Variants in GARRE1 observed in about 807,000 individuals in gnomAD.
The protein encoded by GARRE1 is granule associated Rac and RHOG effector protein 1.
Under a neutral mutation model 103.2 loss-of-function variants are expected in GARRE1, and 49 were observed. The ratio of observed to expected loss-of-function variants is 0.47; its 90% CI spans 0.38 to 0.60. GARRE1 has a LOEUF of 0.60. Among genes scored for constraint, GARRE1 ranks in the 20% least tolerant of loss-of-function variants. GARRE1 has a pLI of 0.00. For missense variants in GARRE1, 1,199 were observed against 1,370.5 expected (o/e 0.87, Z 1.98); for synonymous variants, 505 against 532.8 (o/e 0.95, Z 0.72).
At chr19:34,313,974 T>A (rs1164917064) in intron 2 of GARRE1, among the ~76,000 whole-genome samples, 4 of 152,072 alleles carry the variant, frequency 2.6e-5, no homozygotes, top group African/African-American at 9.7e-5. Context: ...CTGATTTTTG[T>A]ATTTTTTGTA....
At chr19:34,288,999 G>T (rs920342063) in intron 1 of GARRE1, among the ~76,000 whole-genome samples, 2 of 151,646 alleles carry the variant, frequency 1.3e-5, no homozygotes, top group African/African-American at 4.8e-5. Flanking sequence ...GGGCATGGTG[G>T]TGTGTGCCTG....
chr19:34,298,337 C>T (rs962380804), intron 1 of GARRE1, among the ~76,000 whole-genome samples: 2 of 151,710 alleles, frequency 1.3e-5, no homozygotes, highest in African/African-American at 4.8e-5. Context: ...TTGCTTGGGC[C>T]TAGGAGTTCG....
At chr19:34,326,327 A>G (rs1340836857) in intron 3 of GARRE1, among the ~76,000 whole-genome samples, 2 of 152,244 alleles carry the variant, frequency 1.3e-5, no homozygotes, top group South Asian at 2.1e-4. Flanking sequence ...AACAAAAGCT[A>G]ACTGCTAAAA....
chr19:34,311,459 G>A (rs1026758178), intron 2 of GARRE1, among the ~76,000 whole-genome samples: 3 of 152,072 alleles, frequency 2.0e-5, no homozygotes, highest in Non-Finnish European at 4.4e-5. Flanking sequence ...ATTTATAATC[G>A]TGAAGTCACC....
At chr19:34,318,228 G>A (rs748994284) in intron 2 of GARRE1, among the ~76,000 whole-genome samples, 2 of 152,220 alleles carry the variant, frequency 1.3e-5, no homozygotes, top group African/African-American at 4.8e-5. Context: ...CTGAGAGGGC[G>A]TGTGGCAAAG....
chr19:34,304,801 T>A (rs1474143605), intron 2 of GARRE1, among the ~76,000 whole-genome samples: 2 of 151,764 alleles, frequency 1.3e-5, no homozygotes, highest in East Asian at 3.9e-4. Flanking sequence ...TTTATTTATT[T>A]ATTTTTTTGA....
intron 3 of GARRE1, 75 bp from the exon 4 acceptor site, chr19:34,327,346 T>C: frequency 7.4e-7 from 1 of 1,353,158 alleles, no homozygotes; most frequent in Non-Finnish European, 1.0e-6. Flanking sequence ...TTTTTCTTGT[T>C]GTTGTTATTG....
At chr19:34,280,781 T>A (rs1232099504) in intron 1 of GARRE1, among the ~76,000 whole-genome samples, 1 of 152,192 alleles carries the variant, frequency 6.6e-6, no homozygotes, top group Non-Finnish European at 1.5e-5. Flanking sequence ...ATGAGTTCCC[T>A]GCTTTCTGGC....
chr19:34,345,529 CAT>C (rs1431959184), intron 10 of GARRE1, among the ~76,000 whole-genome samples: 5 of 152,140 alleles, frequency 3.3e-5, no homozygotes, highest in African/African-American at 9.7e-5. Flanking sequence ...AGAATTGTGT[CAT>C]ATTTGAGGCC....
Position 34,352,750 on chromosome 19 carries a change from G to C in GARRE1, c.3008G>C (p.Ser1003Thr). The C allele has an allele frequency of 3.1e-6, 5 of 1,614,124 alleles. No individual in the cohort carries two copies. Among genetic ancestry groups the C allele is most frequent in the Non-Finnish European group, 4.2e-6 (5 of 1,180,022 alleles). Residue 1003 changes from serine (S) to threonine (T), a missense_variant, in exon 14 of 14, where the codon AGC becomes ACC. Physicochemically the swap from Ser to Thr is moderately conservative, Grantham distance 58. Coordinates refer to ENST00000299505, the MANE Select transcript of GARRE1 (RefSeq NM_014686.5). ...SPSAPLYAVTSPGSQWNDTMQ... is the reference protein window; with the variant it reads ...SPSAPLYAVTTPGSQWNDTMQ... ...AGCGCACCACTCTATGCAGTCACCA[G>C]CCCTGGCAGCCAGTGGAACGACACC...
chr19:34,312,791 A>ATGGTGAATG, intron 2 of GARRE1, among the ~76,000 whole-genome samples: 1 of 152,124 alleles, frequency 6.6e-6, no homozygotes, highest in Non-Finnish European at 1.5e-5. Flanking sequence ...GCTGGGCATG[A>ATGGTGAATG]TGGTGAATGC....
In GARRE1 at chr19:34,313,361, G is replaced by GGGTGATGCTGCTGAGGGGA. The variant is rs1374913246; in HGVS notation, c.496-6540_496-6522dup. Reference sequence around the variant, plus strand: ...GAGAGCTAGGAAGGAAATGAAGCAAGGGTGATGCTGCTGAGGGGAGGTGAG... The same window carrying GGGTGATGCTGCTGAGGGGA: ...GAGAGCTAGGAAGGAAATGAAGCAAGGGTGATGCTGCTGAGGGGAGGTGATGCTGCTGAGGGGAGGTGAG... On this transcript the variant is annotated intron_variant, in intron 2 of 13. Transcript: ENST00000299505. 2.6e-5 allele frequency among the ~76,000 whole-genome samples: 4 copies of GGGTGATGCTGCTGAGGGGA among 152,332 alleles called. No individual in the cohort carries two copies. The East Asian group carries it at 7.7e-4, about 29-fold the overall frequency.
Position 34,330,362 on chromosome 19 carries a change from G to C in GARRE1, c.1263+15G>C. On this transcript the variant is annotated intron_variant, in intron 7 of 13. Coordinates refer to ENST00000299505, the MANE Select transcript of GARRE1 (RefSeq NM_014686.5). ...AGGCTGGACTGGTGAGTGAGCGTGG[G>C]TGGTGGATGATAGGTAGAATACCAA... The C allele has an allele frequency of 6.2e-7, 1 of 1,613,736 alleles. No individual in the cohort carries two copies. The highest frequency in any genetic ancestry group is 8.5e-7 in the Non-Finnish European group (1 of 1,179,678).
chr19:34,345,791 C>T (rs543848149), intron 10 of GARRE1, among the ~76,000 whole-genome samples: 19 of 152,286 alleles, frequency 1.2e-4, no homozygotes, highest in Middle Eastern at 6.8e-3. Context: ...CACTGCACTC[C>T]GGCTTGGATA....
chr19:34,345,074 G>A (rs2074205035), intron 10 of GARRE1, among the ~76,000 whole-genome samples: 1 of 152,114 alleles, frequency 6.6e-6, no homozygotes, highest in East Asian at 1.9e-4. Context: ...TCCTGACCTC[G>A]TGATCCGCCC....
intron 1 of GARRE1, among the ~76,000 whole-genome samples, chr19:34,292,733 C>G (rs897385466): frequency 3.1e-5 from 4 of 130,722 alleles, no homozygotes; most frequent in Non-Finnish European, 6.5e-5. Context: ...TGCCACCACA[C>G]CCAGCTAAAT....
intron 10 of GARRE1, among the ~76,000 whole-genome samples, chr19:34,344,905 C>G (rs1183459718): frequency 2.0e-5 from 3 of 151,732 alleles, no homozygotes; most frequent in African/African-American, 4.8e-5. Context: ...GTGGCGCGAT[C>G]TCGGCTCACC....
At chr19:34,315,685 TG>T (rs2074056804) in intron 2 of GARRE1, among the ~76,000 whole-genome samples, 1 of 106,462 alleles carries the variant, frequency 9.4e-6, no homozygotes, top group African/African-American at 3.7e-5. Flanking sequence ...CACTCCAGCC[TG>T]GGCAACAGAG....
intron 7 of GARRE1, among the ~76,000 whole-genome samples, chr19:34,332,377 A>G (rs541583372): frequency 1.2e-4 from 18 of 152,308 alleles, no homozygotes; most frequent in African/African-American, 3.9e-4. Flanking sequence ...GACCATGCCA[A>G]TGAGTTCCCC....
Sources: allele counts gnomAD v4.1 joint callset (sites outside exome capture counted in the v4.1 genomes callset), GRCh38; gene constraint gnomAD v4.1.1; transcripts MANE v1.5; gene names NCBI Gene and HGNC (gene_info 2026-07-23, HGNC 2026-07-21).